The following NELL1 variants were observed in gnomAD, a reference collection of about 807,000 sequenced individuals.
NELL1 encodes the protein neural EGFL like 1, also known as protein kinase C-binding protein NELL1.
Under a neutral mutation model 107.4 loss-of-function variants are expected in NELL1, and 76 were observed. The observed-to-expected ratio is 0.71, with a 90% CI of 0.59 to 0.86. The LOEUF (loss-of-function observed/expected upper bound fraction) is 0.86. Among genes scored for constraint, NELL1 ranks in the 40% least tolerant of loss-of-function variants. The pLI, the probability that NELL1 is intolerant of heterozygous loss-of-function variation, is 0.00. For synonymous variants in NELL1, 353 were observed against 341.2 expected, an observed-to-expected ratio of 1.03 and a Z score of -0.38; for missense variants, 1,024 against 1,005.5, an observed-to-expected ratio of 1.02 and a Z score of -0.25.
At chr11:21,570,712 C>G in intron 17 of NELL1, 52 bp from the exon 18 acceptor site, 1 of 1,544,860 alleles carries the variant, frequency 6.5e-7, no homozygotes. Context: ...CTTAGTGTAG[C>G]TGTCCATCAT....
intron 13 of NELL1, among the ~76,000 whole-genome samples, chr11:21,178,503 A>G (rs1856757586): frequency 6.6e-6 from 1 of 151,780 alleles, no homozygotes; most frequent in African/African-American, 2.4e-5. Context: ...ATCGTAGCTC[A>G]CACCTGTAAT....
chr11:20,940,189 G>T (rs780655550), intron 10 of NELL1, among the ~76,000 whole-genome samples: 1 of 150,858 alleles, frequency 6.6e-6, no homozygotes, highest in Non-Finnish European at 1.5e-5. Context: ...CCCTCCCTCC[G>T]TCCCTCTCTC....
chr11:20,813,234 A>C (rs1311568540), intron 3 of NELL1, among the ~76,000 whole-genome samples: 1 of 152,156 alleles, frequency 6.6e-6, no homozygotes, highest in Non-Finnish European at 1.5e-5. Context: ...GGGAACATAT[A>C]CTCTGATAAA....
At chr11:21,557,183 CAG>C (rs1856735912) in intron 16 of NELL1, among the ~76,000 whole-genome samples, 1 of 151,960 alleles carries the variant, frequency 6.6e-6, no homozygotes. Flanking sequence ...TGCATGGAAA[CAG>C]AATTAGATTT....
At chr11:21,515,300 C>T (rs1855529868) in intron 15 of NELL1, among the ~76,000 whole-genome samples, 1 of 152,016 alleles carries the variant, frequency 6.6e-6, no homozygotes, top group Admixed American at 6.6e-5. Flanking sequence ...ATGGGAGTAG[C>T]TTATTGAAAA....
intron 16 of NELL1, 30 bp downstream of exon 16, chr11:21,534,544 T>A (rs375115921): frequency 2.7e-5 from 43 of 1,611,314 alleles, no homozygotes; most frequent in Middle Eastern, 1.7e-4. Context: ...GCCCTCCAAC[T>A]GCTTGGACCT....
At position 21,560,213 on chromosome 11, in the gene NELL1, C is replaced by G; in HGVS notation, c.1811C>G (p.Thr604Ser). Residue 604 changes from threonine to serine, a missense_variant, in exon 17 of 20, where the codon ACT (threonine) becomes AGT (serine). Thr to Ser is a moderately conservative substitution (Grantham distance 58). Transcript: ENST00000357134. ...CIDIDECALRTHTCWNDSACI... is the reference protein window; with the variant it reads ...CIDIDECALRSHTCWNDSACI... ...GACATTGATGAATGTGCCTTAAGAA[C>G]TCACACCTGTTGGAACGATTCTGCC... 6.2e-7 allele frequency: 1 copy of G among 1,613,690 alleles called. No homozygotes were observed.
At chr11:20,961,521 T>C (rs79006895) in intron 12 of NELL1, among the ~76,000 whole-genome samples, 1 of 152,298 alleles carries the variant, frequency 6.6e-6, no homozygotes, top group African/African-American at 2.4e-5. Flanking sequence ...CACTTTCCTC[T>C]AAGTGGTCTG....
chr11:21,309,287 T>TA (rs1372685660), intron 14 of NELL1, among the ~76,000 whole-genome samples: 12 of 111,824 alleles, frequency 1.1e-4, no homozygotes, highest in African/African-American at 4.4e-4. Context: ...TATGTATATA[T>TA]ATATATATAT....
At chr11:21,500,666 CCTT>C (rs1387633142) in intron 15 of NELL1, among the ~76,000 whole-genome samples, 12 of 152,100 alleles carry the variant, frequency 7.9e-5, no homozygotes, top group Admixed American at 6.6e-4. Context: ...TATAATTTAT[CCTT>C]ATTATTAGCA....
chr11:21,566,875 C>G lies in NELL1; in HGVS notation c.1981-3889C>G, dbSNP rs12363990. 2.0e-3 allele frequency among the ~76,000 whole-genome samples: 311 copies of G among 151,942 alleles called. 1 individual carries two copies. Among genetic ancestry groups the G allele is most frequent in the Non-Finnish European group, 3.6e-3 (245 of 67,902 alleles). ...CCCTGTAATTCAAAGGCAAAGTGAACATTGCCATTGTTCTGAAACACGTTA... is the reference window on the plus strand; with the variant it reads ...CCCTGTAATTCAAAGGCAAAGTGAAGATTGCCATTGTTCTGAAACACGTTA... On this transcript the variant is annotated intron_variant, in intron 17 of 19. Coordinates refer to ENST00000357134, the MANE Select transcript of NELL1 (RefSeq NM_006157.5).
chr11:21,514,196 G>A (rs1052521792), intron 15 of NELL1, among the ~76,000 whole-genome samples: 3 of 152,014 alleles, frequency 2.0e-5, no homozygotes. Flanking sequence ...ATACATTAAA[G>A]AAAATAGTTT....
intron 3 of NELL1, among the ~76,000 whole-genome samples, chr11:20,786,876 C>T (rs1442210466): frequency 5.9e-5 from 9 of 151,330 alleles, no homozygotes; most frequent in South Asian, 2.1e-4. Context: ...GGCATGGTGG[C>T]GGGCGCCTGT....
chr11:20,674,530 A>T (rs1854002615), intron 1 of NELL1: 1 of 1,535,954 alleles, frequency 6.5e-7, no homozygotes, highest in Non-Finnish European at 8.7e-7. Flanking sequence ...GATATGGAGA[A>T]CTAGAGTTCT....
chr11:21,200,401 G>A (rs1413284118), intron 13 of NELL1, among the ~76,000 whole-genome samples: 1 of 152,118 alleles, frequency 6.6e-6, no homozygotes, highest in Non-Finnish European at 1.5e-5. Context: ...GACGAGTGAT[G>A]ATGAGCTTTT....
intron 13 of NELL1, among the ~76,000 whole-genome samples, chr11:21,123,510 A>T (rs1403645353): frequency 6.6e-6 from 1 of 152,184 alleles, no homozygotes; most frequent in Non-Finnish European, 1.5e-5. Context: ...GTGTGTGACT[A>T]TCTGTGTGTA....
At chr11:21,390,395 A>G (rs1029041473) in intron 15 of NELL1, among the ~76,000 whole-genome samples, 14 of 149,952 alleles carry the variant, frequency 9.3e-5, no homozygotes, top group South Asian at 2.1e-4. Context: ...AATAAATAAT[A>G]TATTTACATT....
chr11:21,064,558 G>A (rs2134368150), intron 12 of NELL1, among the ~76,000 whole-genome samples: 1 of 152,238 alleles, frequency 6.6e-6, no homozygotes, highest in Admixed American at 6.5e-5. Flanking sequence ...AAAAAGTTCA[G>A]ATTTTATCCT....
At chr11:20,740,218 G>A (rs1285349398) in intron 2 of NELL1, among the ~76,000 whole-genome samples, 1 of 152,108 alleles carries the variant, frequency 6.6e-6, no homozygotes, top group East Asian at 1.9e-4. Flanking sequence ...GCTTGGAATT[G>A]GCAGAACTGG....
Sources: gnomAD v4.1 joint callset for allele counts (sites outside exome capture counted in the v4.1 genomes callset) on GRCh38, gnomAD v4.1.1 for gene constraint, MANE v1.5 for transcripts, NCBI Gene and HGNC (gene_info 2026-07-23, HGNC 2026-07-21) for gene names.